ADAP2: variants seen among roughly 807,000 people sequenced by gnomAD.
ADAP2 encodes arf-GAP with dual PH domain-containing protein 2.
Under a neutral mutation model 54.9 loss-of-function variants are expected in ADAP2, and 42 were observed. The ratio of observed to expected loss-of-function variants is 0.77; its 90% CI spans 0.60 to 0.99. ADAP2 has a LOEUF of 0.99. Ranked by LOEUF, ADAP2 falls within the 50% of genes least tolerant of loss-of-function variation. ADAP2 has a pLI of 0.00. For synonymous variants in ADAP2, 177 were observed against 180.1 expected (o/e 0.98, Z 0.14); for missense variants, 429 against 480.4 (o/e 0.89, Z 1.00).
At chr17:30,935,245 G>A (rs1360063360) in intron 5 of ADAP2, among the ~76,000 whole-genome samples, 1 of 152,158 alleles carries the variant, frequency 6.6e-6, no homozygotes, top group African/African-American at 2.4e-5. Context: ...GTGCATGCCT[G>A]TAATCCCAGC....
intron 9 of ADAP2, among the ~76,000 whole-genome samples, chr17:30,955,062 A>C (rs1163364349): frequency 6.6e-6 from 1 of 151,878 alleles, no homozygotes; most frequent in Non-Finnish European, 1.5e-5. Context: ...AAAGCATTGT[A>C]ATTCCTGATG....
chr17:30,923,118 A>C, intron 2 of ADAP2, 48 bp downstream of exon 2: 1 of 1,607,190 alleles, frequency 6.2e-7, no homozygotes, highest in Non-Finnish European at 8.5e-7. Context: ...GGACTGGAGT[A>C]GAGGCAGCGG....
At chr17:30,922,747 C>T (rs972789923) in intron 1 of ADAP2, among the ~76,000 whole-genome samples, 193 bp from the exon 2 acceptor site, 5 of 152,250 alleles carry the variant, frequency 3.3e-5, no homozygotes, top group Admixed American at 6.5e-5. Flanking sequence ...TCCCCGGGCC[C>T]TGAACTGCCT....
rs779742858 is a variant in ADAP2, at chr17:30,956,333, C to T, written c.975C>T (p.Arg325=). The T allele has an allele frequency of 1.2e-6, 2 of 1,614,212 alleles. No homozygotes were observed. The highest frequency in any genetic ancestry group is 1.1e-5 in the South Asian group (1 of 91,082). The change falls in exon 10 of 11, where the codon CGC becomes CGT. Residue 325 remains arginine, a synonymous_variant. Coordinates refer to ENST00000330889, the MANE Select transcript of ADAP2 (RefSeq NM_018404.3). ...TGCCCAAGGGCATCCGAGGAAATCG[C>T]TGGAAAGCCGGACTCACCATTGTCA... ...EDLPKGIRGN[R]WKAGLTIVTP...
At position 30,922,058 on chromosome 17, in the gene ADAP2, T is replaced by G; in HGVS notation, c.44T>G (p.Leu15Arg). Reference protein sequence around the residue: ...ERNKKRLLELLRAPDTGNAHC... With the variant: ...ERNKKRLLELRRAPDTGNAHC... ...AACAAGAAGCGGCTGCTGGAGCTGCTGCGGGCGCCGGACACAGGCAACGCG... is the reference window on the plus strand; with the variant it reads ...AACAAGAAGCGGCTGCTGGAGCTGCGGCGGGCGCCGGACACAGGCAACGCG... Residue 15 changes from leucine (L) to arginine (R), a missense_variant, in exon 1 of 11, where the codon CTG (leucine) becomes CGG (arginine). Physicochemically the swap from Leu to Arg is moderately radical, Grantham distance 102. Transcript: ENST00000330889. 7.9e-7 allele frequency: 1 copy of G among 1,273,392 alleles called. No homozygotes were observed. Among genetic ancestry groups the G allele is most frequent in the Non-Finnish European group, 9.9e-7 (1 of 1,014,796 alleles). 78.9% of individuals were successfully genotyped at this position (1,273,392 alleles called of 1,614,324 possible).
intron 6 of ADAP2, among the ~76,000 whole-genome samples, chr17:30,948,534 C>T (rs1420035735): frequency 1.3e-5 from 2 of 152,036 alleles, no homozygotes; most frequent in Non-Finnish European, 2.9e-5. Flanking sequence ...CGCACCACTG[C>T]ACACTCTAGC....
Position 30,949,313 on chromosome 17 carries a change from C to T in ADAP2, c.684C>T (p.Leu228=). The change falls in exon 7 of 11, where the codon CTC becomes CTT. Residue 228 remains leucine, a synonymous_variant. Coordinates refer to ENST00000330889, the MANE Select transcript of ADAP2 (RefSeq NM_018404.3). The part of the protein sequence containing the change: ...GKEIVDWFNA[L]RAARLQYLKM... ...AGATAGTGGACTGGTTCAATGCCCT[C>T]CGTGCAGCCCGTCTGCAGTACCTAA... 2 of 1,614,144 alleles carry T rather than the reference C, an allele frequency of 1.2e-6. No individual in the cohort carries two copies. Among genetic ancestry groups the T allele is most frequent in the East Asian group, 4.5e-5 (2 of 44,882 alleles).
At position 30,924,246 on chromosome 17, in the gene ADAP2, G is replaced by A. The variant is rs976865071; in HGVS notation, c.225+1176G>A. Among the ~76,000 whole-genome samples the A allele has an allele frequency of 2.0e-5, 3 of 152,028 alleles. No homozygotes were observed. The East Asian group carries it at 5.8e-4, about 29-fold the overall frequency. On this transcript the variant is annotated intron_variant, in intron 2 of 10. Transcript: ENST00000330889. ...AAATTAGCTGGGTGTGATGGCATGC[G>A]CCTGTCGTCCCAGATACTTCGGGGG...
chr17:30,951,654 C>CTTT (rs1053982493), intron 7 of ADAP2, among the ~76,000 whole-genome samples: 5 of 121,024 alleles, frequency 4.1e-5, no homozygotes, highest in South Asian at 2.6e-4. Flanking sequence ...CTTTTCTTTT[C>CTTT]TTTTTTTTTT....
intron 5 of ADAP2, among the ~76,000 whole-genome samples, chr17:30,940,085 C>T (rs1195877798): frequency 6.6e-6 from 1 of 152,108 alleles, no homozygotes; most frequent in African/African-American, 2.4e-5. Context: ...CCTCAGCCTC[C>T]CGAGTAGCTG....
chr17:30,956,638 C>A, intron 10 of ADAP2, 169 bp downstream of exon 10: 2 of 716,866 alleles, frequency 2.8e-6, no homozygotes, highest in Non-Finnish European at 4.6e-6. Context: ...GCCATTATTG[C>A]CAAAAGGTCT....
At chr17:30,932,244 T>C (rs573871123) in intron 4 of ADAP2, among the ~76,000 whole-genome samples, 39 of 149,770 alleles carry the variant, frequency 2.6e-4, no homozygotes, top group Middle Eastern at 3.4e-3. Context: ...TTTTTTTTTT[T>C]TTTTTTGAGA....
At chr17:30,933,232 G>C (rs576531463) in intron 4 of ADAP2, among the ~76,000 whole-genome samples, 114 of 152,294 alleles carry the variant, frequency 7.5e-4, no homozygotes, top group Non-Finnish European at 1.1e-3. Flanking sequence ...CTGTTACCCA[G>C]GCTGGAGTGC....
chr17:30,925,564 CT>C (rs1910985139), intron 2 of ADAP2, among the ~76,000 whole-genome samples: 2 of 150,680 alleles, frequency 1.3e-5, no homozygotes, highest in African/African-American at 4.9e-5. Flanking sequence ...TCTTCTTCTT[CT>C]TCTCTTTTCT....
intron 6 of ADAP2, among the ~76,000 whole-genome samples, chr17:30,948,233 G>A (rs1904318882): frequency 6.6e-6 from 1 of 151,892 alleles, no homozygotes; most frequent in African/African-American, 2.4e-5. Context: ...TTTTTCTGAG[G>A]GTAGTAGACA....
At chr17:30,934,102 C>T (rs1911695170) in intron 4 of ADAP2, 83 bp from the exon 5 acceptor site, 3 of 1,003,408 alleles carry the variant, frequency 3.0e-6, no homozygotes, top group East Asian at 2.5e-5. Context: ...GCTTATTCCA[C>T]CCTTGAGAAC....
chr17:30,939,535 G>T (rs1273606954), intron 5 of ADAP2, among the ~76,000 whole-genome samples: 1 of 151,852 alleles, frequency 6.6e-6, no homozygotes, highest in East Asian at 1.9e-4. Context: ...ACTTTGGGAG[G>T]CCGAGGCAGG....
chr17:30,957,801 C>T (rs1273223726), intron 10 of ADAP2, 34 bp from the exon 11 acceptor site: 1 of 1,611,714 alleles, frequency 6.2e-7, no homozygotes, highest in Non-Finnish European at 8.5e-7. Flanking sequence ...ATTGGCATGG[C>T]CACCTCCCTC....
chr17:30,939,163 G>A (rs571334813), intron 5 of ADAP2, among the ~76,000 whole-genome samples: 1 of 152,144 alleles, frequency 6.6e-6, no homozygotes, highest in East Asian at 1.9e-4. Flanking sequence ...AAGAGAAAGC[G>A]CTACTGCAGT....
Sources: allele counts gnomAD v4.1 joint callset (sites outside exome capture counted in the v4.1 genomes callset), GRCh38; gene constraint gnomAD v4.1.1; transcripts MANE v1.5; gene names NCBI Gene and HGNC (gene_info 2026-07-23, HGNC 2026-07-21).